The following SLC17A5 variants were observed in gnomAD, a reference collection of about 807,000 sequenced individuals.
SLC17A5 encodes solute carrier family 17 member 5, also known as sialin.
Under a neutral mutation model 59.4 loss-of-function variants are expected in SLC17A5, and 47 were observed. That is an observed-to-expected ratio of 0.79 (90% CI 0.63 to 1.01). SLC17A5 has a LOEUF of 1.01. Among genes scored for constraint, SLC17A5 ranks in the 50% least tolerant of loss-of-function variants. The pLI is 0.00. For synonymous variants in SLC17A5, 202 were observed against 210.7 expected (o/e 0.96, Z 0.36); for missense variants, 522 against 595.5 (o/e 0.88, Z 1.28).
At chr6:73,602,635 C>G (rs1273213380) in intron 9 of SLC17A5, among the ~76,000 whole-genome samples, 1 of 151,902 alleles carries the variant, frequency 6.6e-6, no homozygotes, top group Non-Finnish European at 1.5e-5. Context: ...ATTAGCCGGC[C>G]GTGATGGCAG....
At chr6:73,617,832 C>T (rs904949906) in intron 7 of SLC17A5, among the ~76,000 whole-genome samples, 3 of 152,056 alleles carry the variant, frequency 2.0e-5, no homozygotes, top group Non-Finnish European at 4.4e-5. Context: ...AACCTAAATA[C>T]ACTAAAGTCT....
Position 73,635,204 on chromosome 6 carries a change from G to A in SLC17A5, c.819+178C>T, listed in dbSNP as rs906267122. The A allele has an allele frequency of 8.6e-5, 43 of 501,488 alleles. No individual in the cohort carries two copies. In the South Asian group the frequency reaches 1.0e-3, roughly 12 times the overall value. The allele number at this position is 501,488 out of a possible 1,614,324, so 31.1% of individuals were successfully genotyped here. A position where few individuals can be genotyped will look rare whatever the true frequency, so the allele number is the denominator to read the frequency against. ...CACCTAGACCTCCCCAAAGGACTGG[G>A]ATTACAAGTGTGAGCCACTGCACCC... On this transcript the variant is annotated intron_variant, in intron 6 of 10. Transcript: ENST00000355773.
At chr6:73,653,718 G>C in intron 1 of SLC17A5, 75 bp downstream of exon 1, 1 of 1,394,228 alleles carries the variant, frequency 7.2e-7, no homozygotes, top group South Asian at 1.2e-5. Flanking sequence ...CGGGTACCCG[G>C]GCCATGCCGG....
intron 6 of SLC17A5, among the ~76,000 whole-genome samples, chr6:73,631,469 AT>A (rs113111812): frequency 0.16 from 23,699 of 151,696 alleles, 3,036 homozygotes; most frequent in African/African-American, 0.32. Flanking sequence ...CAAAATATTG[AT>A]TCTTTAAACC....
intron 6 of SLC17A5, among the ~76,000 whole-genome samples, chr6:73,629,319 C>A (rs145350519): frequency 1.3e-5 from 2 of 152,094 alleles, no homozygotes; most frequent in Non-Finnish European, 2.9e-5. Flanking sequence ...ACCCGGGAGG[C>A]AGAGGGAGGC....
chr6:73,639,432 TA>T (rs889843267), intron 3 of SLC17A5, among the ~76,000 whole-genome samples: 1 of 151,734 alleles, frequency 6.6e-6, no homozygotes, highest in Non-Finnish European at 1.5e-5. Flanking sequence ...CAAAAGGAAT[TA>T]AAAAAAAGTA....
At position 73,598,429 on chromosome 6, in the gene SLC17A5, G is replaced by A. The variant is rs184596320; in HGVS notation, c.1350+1922C>T. Among the ~76,000 whole-genome samples, 264 of 151,508 alleles carry A rather than the reference G, an allele frequency of 1.7e-3. 5 individuals are homozygous for A. The highest frequency in any genetic ancestry group is 3.4e-4 in the Non-Finnish European group (23 of 67,876). ...GTGGATCATTTGAGGTCAGAAGTTC[G>A]AGACCAGCCTGGCCAACATGGTGAA... is the stretch of plus-strand genomic sequence containing the variant. On this transcript the variant is annotated intron_variant, in intron 10 of 10. Transcript: ENST00000355773.
At chr6:73,645,437 T>A (rs995665416) in intron 1 of SLC17A5, 2 of 985,140 alleles carry the variant, frequency 2.0e-6, no homozygotes, top group Admixed American at 6.2e-5. Flanking sequence ...TCAGTAGTTA[T>A]CAAGCGTAAA....
chr6:73,607,641 T>C (rs1767454183), intron 9 of SLC17A5, among the ~76,000 whole-genome samples: 1 of 152,132 alleles, frequency 6.6e-6, no homozygotes, highest in Admixed American at 6.6e-5. Flanking sequence ...GGGGCCCTCA[T>C]CAGATTCCAG....
intron 6 of SLC17A5, among the ~76,000 whole-genome samples, chr6:73,631,202 A>G (rs1174893784): frequency 3.3e-5 from 5 of 149,810 alleles, no homozygotes; most frequent in Non-Finnish European, 7.4e-5. Context: ...ACCACTTTAC[A>G]GTGAGCTGAG....
chr6:73,595,334 G>C, intron 10 of SLC17A5, 120 bp from the exon 11 acceptor site: 1 of 1,086,140 alleles, frequency 9.2e-7, no homozygotes, highest in Non-Finnish European at 1.4e-6. Context: ...CCTCATCCTT[G>C]AAACAACCCA....
chr6:73,642,748 C>T (rs1300823612), intron 2 of SLC17A5, among the ~76,000 whole-genome samples: 10 of 152,150 alleles, frequency 6.6e-5, no homozygotes, highest in Non-Finnish European at 8.8e-5. Context: ...AGAACCATTC[C>T]GGGATTTCTT....
At chr6:73,636,822 T>C (rs1439070056) in intron 4 of SLC17A5, 115 bp from the exon 5 acceptor site, 3 of 776,858 alleles carry the variant, frequency 3.9e-6, no homozygotes, top group Admixed American at 4.0e-5. Context: ...GGCTCATTCC[T>C]GTAATCCCTG....
At chr6:73,629,510 C>T (rs143042158) in intron 6 of SLC17A5, among the ~76,000 whole-genome samples, 92 of 152,048 alleles carry the variant, frequency 6.1e-4, no homozygotes, top group African/African-American at 1.7e-3. Context: ...TGGTGGCTCA[C>T]GCTTGTAATC....
chr6:73,606,032 T>G (rs1342384408), intron 9 of SLC17A5, among the ~76,000 whole-genome samples: 2 of 148,758 alleles, frequency 1.3e-5, no homozygotes, highest in Non-Finnish European at 3.0e-5. Flanking sequence ...TGATGAGATT[T>G]ATTTATTTAT....
intron 5 of SLC17A5, 52 bp downstream of exon 5, chr6:73,636,569 T>A (rs1437984856): frequency 2.0e-6 from 2 of 1,009,980 alleles, no homozygotes; most frequent in Non-Finnish European, 3.1e-6. Context: ...AGGCTACTAT[T>A]ATTACATTTT....
chr6:73,621,621 C>T (rs1768157744), intron 7 of SLC17A5, among the ~76,000 whole-genome samples, 183 bp downstream of exon 7: 1 of 152,190 alleles, frequency 6.6e-6, no homozygotes, highest in African/African-American at 2.4e-5. Flanking sequence ...TAAATGCTTT[C>T]TCCCATTCAG....
intron 7 of SLC17A5, among the ~76,000 whole-genome samples, chr6:73,615,880 CTTT>C (rs71674685): frequency 1.0e-5 from 1 of 97,598 alleles, no homozygotes; most frequent in South Asian, 3.8e-4. Context: ...ATGAATCATT[CTTT>C]TTTTTTTTTT....
Position 73,600,358 on chromosome 6 carries a change from G to A in SLC17A5, c.1343C>T (p.Thr448Ile). ...MVGPVIAKSL[T>I]PDNTVGEWQT... ...AGTAAATTATCTACTTACATCAGGG[G>A]TCAGACTTTTAGCAATGACGGGCCC... Residue 448 changes from threonine to isoleucine, a missense_variant, in exon 10 of 11, where the codon ACC becomes ATC. By Grantham distance (89) the Thr-to-Ile change is moderately conservative. Coordinates refer to ENST00000355773, the MANE Select transcript of SLC17A5 (RefSeq NM_012434.5). 6.2e-7 allele frequency: 1 copy of A among 1,612,818 alleles called. No homozygotes were observed. The highest frequency in any genetic ancestry group is 8.5e-7 in the Non-Finnish European group (1 of 1,178,876).
Sources: gnomAD v4.1 joint callset for allele counts (sites outside exome capture counted in the v4.1 genomes callset) on GRCh38, gnomAD v4.1.1 for gene constraint, MANE v1.5 for transcripts, NCBI Gene and HGNC (gene_info 2026-07-23, HGNC 2026-07-21) for gene names.